The following SLIT3 variants were observed in gnomAD, a reference collection of about 807,000 sequenced individuals.
SLIT3 encodes the protein slit homolog 3 protein.
Under a neutral mutation model 184.0 loss-of-function variants are expected in SLIT3, and 68 were observed. The observed-to-expected ratio is 0.37, with a 90% CI of 0.30 to 0.45. The LOEUF (loss-of-function observed/expected upper bound fraction) is 0.45, where lower values mean the gene tolerates loss of function less well. Among genes scored for constraint, SLIT3 ranks in the 20% least tolerant of loss-of-function variants. The pLI is 1.00. For missense variants in SLIT3, 1,707 were observed against 2,026.0 expected (o/e 0.84, Z 3.02); for synonymous variants, 831 against 828.6 (o/e 1.00, Z -0.05).
chr5:169,018,875 T>C (rs1452320252), intron 4 of SLIT3, among the ~76,000 whole-genome samples: 1 of 152,214 alleles, frequency 6.6e-6, no homozygotes, highest in Non-Finnish European at 1.5e-5. Context: ...CGCTGACGGC[T>C]GTCTGGGACT....
chr5:169,257,802 A>G lies in SLIT3; in HGVS notation c.198-6343T>C, dbSNP rs549057090. Reference sequence around the variant, plus strand: ...ACTCCTGACCTCAGGTGATCTGCCCACCTTGGCCTCCCAAAGTGCTAAAAT... The same window carrying G: ...ACTCCTGACCTCAGGTGATCTGCCCGCCTTGGCCTCCCAAAGTGCTAAAAT... On this transcript the variant is annotated intron_variant, in intron 1 of 35. Transcript: ENST00000519560. 2.4e-4 allele frequency among the ~76,000 whole-genome samples: 37 copies of G among 151,980 alleles called. No homozygotes were observed. The South Asian group carries it at 7.5e-3, about 31-fold the overall frequency.
In SLIT3 at chr5:168,683,983, A is replaced by C. The variant is rs767055840; in HGVS notation, c.3669T>G (p.Pro1223=). ...VRLVYDSLSS[P]PTTVYSVETV... ...GCCCTTACCTGTACACTGTGGTTGG[A>C]GGGGAACTCAGGCTGTCATAGACCA... Residue 1223 remains proline, a synonymous_variant, in exon 32 of 36, where the codon CCT becomes CCG. Coordinates refer to ENST00000519560, the MANE Select transcript of SLIT3 (RefSeq NM_003062.4). 2.5e-6 allele frequency: 4 copies of C among 1,588,546 alleles called. No individual in the cohort carries two copies. Among genetic ancestry groups the C allele is most frequent in the Non-Finnish European group, 3.4e-6 (4 of 1,166,040 alleles).
At chr5:169,245,297 T>C (rs1237132795) in intron 2 of SLIT3, among the ~76,000 whole-genome samples, 2 of 152,058 alleles carry the variant, frequency 1.3e-5, no homozygotes, top group Non-Finnish European at 2.9e-5. Context: ...CTCATGATGA[T>C]GGTCCTAAAA....
intron 1 of SLIT3, among the ~76,000 whole-genome samples, chr5:169,271,583 C>T (rs572956931): frequency 4.6e-5 from 7 of 152,212 alleles, no homozygotes; most frequent in African/African-American, 1.2e-4. Flanking sequence ...ACAATTTCAC[C>T]GCAACATATT....
intron 4 of SLIT3, among the ~76,000 whole-genome samples, chr5:169,085,763 G>A (rs1320595144): frequency 6.6e-6 from 1 of 152,188 alleles, no homozygotes; most frequent in Admixed American, 6.5e-5. Context: ...CATTTCTGGA[G>A]TAATGAAAGG....
chr5:168,826,490 T>A (rs1454333504), intron 6 of SLIT3, among the ~76,000 whole-genome samples: 1 of 152,224 alleles, frequency 6.6e-6, no homozygotes, highest in Non-Finnish European at 1.5e-5. Flanking sequence ...GAAGGAATTG[T>A]TGTTACAACC....
chr5:168,954,071 C>A (rs183383049), intron 4 of SLIT3, among the ~76,000 whole-genome samples: 1,814 of 152,072 alleles, frequency 0.012, 51 homozygotes, highest in African/African-American at 0.042. Context: ...CAGAGCCCAA[C>A]AGTTCATGGA....
intron 6 of SLIT3, among the ~76,000 whole-genome samples, chr5:168,834,180 T>C (rs1020677060): frequency 5.8e-4 from 88 of 152,260 alleles, no homozygotes; most frequent in African/African-American, 2.1e-3. Context: ...CTAGTATACC[T>C]GTGGAGACAG....
At chr5:168,835,825 A>AG (rs1758034647) in intron 6 of SLIT3, among the ~76,000 whole-genome samples, 1 of 150,006 alleles carries the variant, frequency 6.7e-6, no homozygotes, top group Non-Finnish European at 1.5e-5. Context: ...AAAAAAAAAA[A>AG]TTTGTTTTTG....
intron 4 of SLIT3, among the ~76,000 whole-genome samples, chr5:169,036,948 A>G (rs940065882): frequency 3.3e-5 from 5 of 152,198 alleles, no homozygotes; most frequent in African/African-American, 1.2e-4. Flanking sequence ...TCTAGGTGGA[A>G]TATATCCCTG....
chr5:169,091,996 C>A (rs530097972), intron 4 of SLIT3, among the ~76,000 whole-genome samples: 112 of 152,060 alleles, frequency 7.4e-4, no homozygotes, highest in Non-Finnish European at 1.5e-3. Context: ...CCGAGGCAGG[C>A]GGATCACCTG....
At chr5:168,986,585 C>A (rs1755139738) in intron 4 of SLIT3, among the ~76,000 whole-genome samples, 1 of 152,166 alleles carries the variant, frequency 6.6e-6, no homozygotes, top group Admixed American at 6.5e-5. Flanking sequence ...TCATAACTTG[C>A]ATGACCTGGA....
In SLIT3 at chr5:168,883,332, A is replaced by G. The variant is rs773339104; in HGVS notation, c.418T>C (p.Leu140=). The change falls in exon 5 of 36, where the codon TTG becomes CTG. Residue 140 remains leucine, a synonymous_variant. Transcript: ENST00000519560. ...ATCCCCTGGATCTGGTTTTCACTCAAATCTCTAAACAAGAAGAGAAGAGGC... is the reference window on the plus strand; with the variant it reads ...ATCCCCTGGATCTGGTTTTCACTCAGATCTCTAAACAAGAAGAGAAGAGGC... ...QSTPKLTRLD[L]SENQIQGIPR... is the part of the protein sequence containing the mutation. The G allele has an allele frequency of 1.1e-5, 17 of 1,613,258 alleles. No homozygotes were observed. The African/African-American group carries it at 1.5e-4, about 14-fold the overall frequency.
intron 1 of SLIT3, among the ~76,000 whole-genome samples, chr5:169,253,192 C>T (rs953719917): frequency 1.3e-5 from 2 of 152,126 alleles, no homozygotes; most frequent in Non-Finnish European, 2.9e-5. Context: ...AAGCATCACA[C>T]GTGTTCTTCT....
chr5:169,296,063 T>C (rs1045233875), intron 1 of SLIT3, among the ~76,000 whole-genome samples: 3 of 152,168 alleles, frequency 2.0e-5, no homozygotes, highest in African/African-American at 7.2e-5. Context: ...AGTAAGGCAA[T>C]AAATATTAGT....
intron 4 of SLIT3, among the ~76,000 whole-genome samples, chr5:168,987,542 A>G (rs890473124): frequency 6.6e-6 from 1 of 152,208 alleles, no homozygotes; most frequent in Admixed American, 6.5e-5. Flanking sequence ...AGGGTTGTTA[A>G]GCACACTATA....
At chr5:169,023,571 C>A (rs141321933) in intron 4 of SLIT3, 1 of 152,070 alleles carries the variant, frequency 6.6e-6, no homozygotes, top group African/African-American at 2.4e-5. Context: ...TGCTTGCTCT[C>A]TTCCTCATTC....
At chr5:168,832,109 G>A (rs1757901263) in intron 6 of SLIT3, among the ~76,000 whole-genome samples, 1 of 152,164 alleles carries the variant, frequency 6.6e-6, no homozygotes, top group Non-Finnish European at 1.5e-5. Flanking sequence ...ATTTTAAAAT[G>A]TACTTTAAAT....
Position 168,673,312 on chromosome 5 carries a change from C to T in SLIT3, c.3706G>A (p.Gly1236Arg), listed in dbSNP as rs1561867518. 6.2e-7 allele frequency: 1 copy of T among 1,614,138 alleles called. No homozygotes were observed. The highest frequency in any genetic ancestry group is 8.5e-7 in the Non-Finnish European group (1 of 1,180,006). ...TVYSVETVND[G>R]QFHSVELVTL... ...ACCAGCTCCACACTGTGAAACTGCC[C>T]ATCATTCACTGTCTCCACACTGGCC... Residue 1236 changes from glycine (G) to arginine (R), a missense_variant, in exon 33 of 36, where the codon GGG becomes AGG. This residue lies in a region of SLIT3 where 387 missense variants were observed against 477.9 expected (regional missense o/e 0.81). Coordinates refer to ENST00000519560, the MANE Select transcript of SLIT3 (RefSeq NM_003062.4).
Sources: allele counts gnomAD v4.1 joint callset (sites outside exome capture counted in the v4.1 genomes callset), GRCh38; gene constraint gnomAD v4.1.1; regional missense constraint gnomAD v4.1.1; transcripts MANE v1.5; gene names NCBI Gene and HGNC (gene_info 2026-07-23, HGNC 2026-07-21).